Variants in TRPM3 observed in about 807,000 individuals in gnomAD.
The protein encoded by TRPM3 is long transient receptor potential channel 3.
In TRPM3, 77 loss-of-function variants were observed where a neutral mutation model predicts 181.2. The observed-to-expected ratio is 0.42, with a 90% CI of 0.35 to 0.51. The LOEUF is 0.51. Among genes scored for constraint, TRPM3 ranks in the 20% least tolerant of loss-of-function variants. The probability of loss-of-function intolerance (pLI) is 0.01; values close to 1 mark genes in which losing one functional copy is unlikely to be tolerated. For missense variants in TRPM3, 1,759 were observed against 2,196.7 expected (o/e 0.80, Z 3.98); for synonymous variants, 745 against 796.4 (o/e 0.94, Z 1.09).
intron 1 of TRPM3, among the ~76,000 whole-genome samples, chr9:71,384,768 A>G (rs906867804): frequency 6.6e-6 from 1 of 152,194 alleles, no homozygotes; most frequent in African/African-American, 2.4e-5. Context: ...TAAGAACACC[A>G]TATTAAGAAT....
At chr9:71,291,255 A>T (rs1007640003) in intron 1 of TRPM3, among the ~76,000 whole-genome samples, 2 of 152,146 alleles carry the variant, frequency 1.3e-5, no homozygotes, top group African/African-American at 4.8e-5. Flanking sequence ...GATTCACAAC[A>T]ATCAGTCAGA....
chr9:71,334,545 T>C (rs1252122668), intron 1 of TRPM3, among the ~76,000 whole-genome samples: 1 of 147,710 alleles, frequency 6.8e-6, no homozygotes, highest in Admixed American at 6.7e-5. Context: ...TCTTACCCAC[T>C]CTCAACATTT....
intron 9 of TRPM3, among the ~76,000 whole-genome samples, chr9:70,665,887 C>T (rs1410486127): frequency 6.6e-6 from 1 of 152,076 alleles, no homozygotes; most frequent in African/African-American, 2.4e-5. Context: ...CTCATTCTGT[C>T]TCTTTGAGTT....
chr9:70,932,151 G>T (rs2096781451), intron 1 of TRPM3, among the ~76,000 whole-genome samples: 1 of 152,128 alleles, frequency 6.6e-6, no homozygotes, highest in Non-Finnish European at 1.5e-5. Flanking sequence ...GAGGAAAACT[G>T]AGAGCATTTT....
chr9:71,295,406 T>C (rs1308730387), intron 1 of TRPM3, among the ~76,000 whole-genome samples: 2 of 152,006 alleles, frequency 1.3e-5, no homozygotes, highest in Non-Finnish European at 2.9e-5. Context: ...GATAAAAGAT[T>C]TGTTTTAAAT....
intron 5 of TRPM3, among the ~76,000 whole-genome samples, chr9:70,840,291 C>A (rs1442873953): frequency 6.6e-6 from 1 of 152,058 alleles, no homozygotes; most frequent in Non-Finnish European, 1.5e-5. Flanking sequence ...ACAGAGTGGT[C>A]AAAATTCAAT....
chr9:70,998,136 TATATACACATATATATATAC>T (rs1316603902), intron 1 of TRPM3, among the ~76,000 whole-genome samples: 4 of 59,622 alleles, frequency 6.7e-5, no homozygotes, highest in Admixed American at 5.8e-4. Context: ...TATATACATA[TATATACACATATATATATAC>T]ATATATACAT....
chr9:70,556,234 CT>C (rs56278773), intron 22 of TRPM3, among the ~76,000 whole-genome samples: 36,530 of 146,036 alleles, frequency 0.25, 4,806 homozygotes, highest in Admixed American at 0.32. Flanking sequence ...AGCTTAATAT[CT>C]TTTTTTTTTT....
At chr9:71,133,244 T>C (rs1358223099) in intron 1 of TRPM3, among the ~76,000 whole-genome samples, 1 of 150,768 alleles carries the variant, frequency 6.6e-6, no homozygotes, top group Non-Finnish European at 1.5e-5. Flanking sequence ...TGGTAACTTA[T>C]AAAGCTCCAT....
intron 1 of TRPM3, among the ~76,000 whole-genome samples, chr9:71,370,536 G>T (rs927305504): frequency 1.3e-5 from 2 of 152,090 alleles, no homozygotes; most frequent in Non-Finnish European, 2.9e-5. Flanking sequence ...TCTAGAACAC[G>T]GCCCTAACTC....
At chr9:70,795,314 T>C (rs376494520) in intron 6 of TRPM3, among the ~76,000 whole-genome samples, 1 of 152,238 alleles carries the variant, frequency 6.6e-6, no homozygotes. Context: ...ACTTAGAGCC[T>C]GGCACTTAAG....
chr9:71,168,623 A>ATTTTT (rs1216365852), intron 1 of TRPM3, among the ~76,000 whole-genome samples: 1 of 50,594 alleles, frequency 2.0e-5, no homozygotes. Context: ...TTTTATTATT[A>ATTTTT]TTTTTTTATT....
At chr9:71,104,205 C>G (rs985436213) in intron 1 of TRPM3, among the ~76,000 whole-genome samples, 1 of 152,146 alleles carries the variant, frequency 6.6e-6, no homozygotes, top group Non-Finnish European at 1.5e-5. Context: ...TGTGAATCAC[C>G]ATGCCCACCC....
chr9:71,122,409 A>C (rs1464237415), upstream of TRPM3, among the ~76,000 whole-genome samples: 4 of 152,172 alleles, frequency 2.6e-5, no homozygotes, highest in Admixed American at 6.5e-5. Context: ...GGAGTTCCTG[A>C]CACAACCCCC....
chr9:70,545,307 A>G (rs2044545725), intron 25 of TRPM3, among the ~76,000 whole-genome samples: 1 of 152,230 alleles, frequency 6.6e-6, no homozygotes, highest in Admixed American at 6.5e-5. Flanking sequence ...AATTAAATCT[A>G]GGCTCTAACA....
At chr9:70,607,613 A>G (rs1272179771) in intron 19 of TRPM3, among the ~76,000 whole-genome samples, 1 of 151,862 alleles carries the variant, frequency 6.6e-6, no homozygotes, top group Non-Finnish European at 1.5e-5. Context: ...AGTGTCTCCA[A>G]TCATAAGATT....
At chr9:71,240,748 A>G (rs1238883184) in intron 1 of TRPM3, among the ~76,000 whole-genome samples, 1 of 152,184 alleles carries the variant, frequency 6.6e-6, no homozygotes, top group Non-Finnish European at 1.5e-5. Context: ...TGCAAGAGAG[A>G]AGGATAACCA....
At chr9:70,606,466 T>TAATA (rs546696258) in intron 19 of TRPM3, among the ~76,000 whole-genome samples, 21 of 152,270 alleles carry the variant, frequency 1.4e-4, no homozygotes, top group African/African-American at 4.8e-4. Flanking sequence ...AGCTATAATA[T>TAATA]AATATTTTGG....
At position 70,536,087 on chromosome 9, in the gene TRPM3, G is replaced by T; in HGVS notation, c.5026C>A (p.Arg1676=). The stretch of plus-strand genomic sequence containing the variant: ...GGATTTCGCAGGCTTGCTGTGTTCC[G>T]CTGCCTGTCGAGTTTGTCACTGATG... The part of the protein sequence containing the change: ...FSISDKLDRQ[R]NTASLRNPFQ... The change falls in exon 26 of 26, where the codon CGG becomes AGG. Residue 1676 remains arginine (R), a synonymous_variant. Coordinates refer to ENST00000677713, the MANE Select transcript of TRPM3 (RefSeq NM_001366145.2). 6.2e-7 allele frequency: 1 copy of T among 1,614,204 alleles called. No homozygotes were observed.
Sources: allele counts gnomAD v4.1 joint callset (sites outside exome capture counted in the v4.1 genomes callset), GRCh38; gene constraint gnomAD v4.1.1; transcripts MANE v1.5; gene names NCBI Gene and HGNC (gene_info 2026-07-23, HGNC 2026-07-21).